Variants in ABL2 observed in about 807,000 individuals in gnomAD.
ABL2 encodes tyrosine-protein kinase ABL2.
ABL2 carries 49 observed loss-of-function variants against 107.7 expected under a neutral mutation model. The observed-to-expected ratio is 0.45, with a 90% confidence interval of 0.36 to 0.58. The LOEUF (loss-of-function observed/expected upper bound fraction) is 0.58. ABL2 is among the 20% of genes least tolerant of loss of function. The probability of loss-of-function intolerance (pLI) is 0.00; values close to 1 mark genes in which losing one functional copy is unlikely to be tolerated. For synonymous variants in ABL2, 549 were observed against 548.6 expected (o/e 1.00, Z -0.01); for missense variants, 1,245 against 1,457.0 (o/e 0.85, Z 2.37).
At chr1:179,193,906 T>C (rs1373640190) in intron 1 of ABL2, among the ~76,000 whole-genome samples, 3 of 152,078 alleles carry the variant, frequency 2.0e-5, no homozygotes, top group Admixed American at 6.6e-5. Flanking sequence ...AGCTAATTTT[T>C]TGTATTTTTT....
At chr1:179,124,464 CTTT>C (rs562899587) in intron 4 of ABL2, among the ~76,000 whole-genome samples, 2 of 83,346 alleles carry the variant, frequency 2.4e-5, no homozygotes, top group East Asian at 7.8e-4. Flanking sequence ...TTAGCTTCTG[CTTT>C]TTTTTTTTTT....
chr1:179,150,493 G>A (rs1022993129), intron 1 of ABL2, among the ~76,000 whole-genome samples: 1 of 152,210 alleles, frequency 6.6e-6, no homozygotes, highest in East Asian at 1.9e-4. Flanking sequence ...AACAGCAAGA[G>A]AACTAGAATT....
At position 179,120,193 on chromosome 1, in the gene ABL2, A is replaced by G; in HGVS notation, c.1042T>C (p.Leu348=). Residue 348 remains leucine (L), a synonymous_variant, in exon 6 of 12, where the codon TTA becomes CTA. Transcript: ENST00000502732. Reference sequence around the variant, plus strand: ...TGGTTCAGGCAAGGTTCCTCACCTAAAAGTTGTACCAGATTAGGATGCTTG... The same window carrying G: ...TGGTTCAGGCAAGGTTCCTCACCTAGAAGTTGTACCAGATTAGGATGCTTG... The part of the protein sequence containing the change: ...EIKHPNLVQL[L]GVCTLEPPFY... 1.3e-6 allele frequency: 2 copies of G among 1,598,134 alleles called. No homozygotes were observed. The highest frequency in any genetic ancestry group is 1.7e-6 in the Non-Finnish European group (2 of 1,171,126).
intron 5 of ABL2, among the ~76,000 whole-genome samples, chr1:179,121,164 C>A (rs954775923): frequency 6.6e-6 from 1 of 152,114 alleles, no homozygotes; most frequent in Non-Finnish European, 1.5e-5. Flanking sequence ...AAAAAGATTT[C>A]TGTTAATATT....
At chr1:179,224,646 T>C (rs1177604460) in intron 1 of ABL2, among the ~76,000 whole-genome samples, 2 of 152,098 alleles carry the variant, frequency 1.3e-5, no homozygotes, top group African/African-American at 4.8e-5. Flanking sequence ...TTAAAAGGTA[T>C]GTGAGATATT....
intron 9 of ABL2, among the ~76,000 whole-genome samples, chr1:179,114,075 C>CA (rs1424925217): frequency 6.6e-6 from 1 of 151,688 alleles, no homozygotes; most frequent in Non-Finnish European, 1.5e-5. Context: ...GCCAACATGC[C>CA]AAAACCCCAT....
chr1:179,107,858 G>C lies in ABL2; in HGVS notation c.3409C>G (p.Arg1137Gly). ...AGTTCCAGTTTGCTCACAGCCTCTC[G>C]GAAGGCAAATTTGTTGCGAGTTTGA... is the stretch of plus-strand genomic sequence containing the variant. ...IPQTRNKFAF[R>G]EAVSKLELSL... The change falls in exon 12 of 12, where the codon CGA (arginine) becomes GGA (glycine). Residue 1137 changes from arginine (R) to glycine (G), a missense_variant. Arg to Gly is a moderately radical substitution (Grantham distance 125). This residue lies in a region of ABL2 where 761 missense variants were observed against 766.4 expected (regional missense o/e 0.99). Transcript: ENST00000502732. 1 of 1,614,160 alleles carries C rather than the reference G, an allele frequency of 6.2e-7. No individual in the cohort carries two copies. The highest frequency in any genetic ancestry group is 8.5e-7 in the Non-Finnish European group (1 of 1,180,038).
In ABL2 at chr1:179,107,786, C is replaced by T. The variant is rs1467885528; in HGVS notation, c.3481G>A (p.Gly1161Arg). The T allele has an allele frequency of 6.8e-6, 11 of 1,614,078 alleles. No individual in the cohort carries two copies. Among genetic ancestry groups the T allele is most frequent in the East Asian group, 2.2e-5 (1 of 44,900 alleles). The stretch of plus-strand genomic sequence containing the variant: ...AAGTTATTAAGGACAGGGTTTGTCC[C>T]GGGCACACCAGCAGCTGCTGAAGAA... ...QVSSAAAGVP[G>R]TNPVLNNLLS... The change falls in exon 12 of 12, where the codon GGG (glycine) becomes AGG (arginine). Residue 1161 changes from glycine to arginine, a missense_variant. By Grantham distance (125) the Gly-to-Arg change is moderately radical. This residue lies in a region of ABL2 where 761 missense variants were observed against 766.4 expected (regional missense o/e 0.99). Transcript: ENST00000502732.
intron 1 of ABL2, among the ~76,000 whole-genome samples, chr1:179,181,946 A>ATTTTTTTTTTTTTTTTT (rs34828452): frequency 6.6e-5 from 6 of 91,208 alleles, no homozygotes; most frequent in Non-Finnish European, 1.0e-4. Flanking sequence ...AGGCCCGGCT[A>ATTTTTTTTTTTTTTTTT]TTTTTTTTTT....
chr1:179,223,374 C>T (rs927824493), intron 1 of ABL2, among the ~76,000 whole-genome samples: 3 of 148,114 alleles, frequency 2.0e-5, no homozygotes, highest in Non-Finnish European at 4.4e-5. Context: ...CATCATGCCA[C>T]AGCACTCCAG....
chr1:179,184,274 TA>T (rs976175678), intron 1 of ABL2: 1 of 537,794 alleles, frequency 1.9e-6, no homozygotes, highest in African/African-American at 2.0e-5. Flanking sequence ...ATCCTTCCTT[TA>T]AAAATAAAGT....
intron 1 of ABL2, among the ~76,000 whole-genome samples, chr1:179,201,307 T>G (rs1661654185): frequency 6.6e-6 from 1 of 152,262 alleles, no homozygotes; most frequent in Non-Finnish European, 1.5e-5. Flanking sequence ...CCTGTCACTT[T>G]AACTAAAATT....
chr1:179,188,451 G>A (rs1336757676), intron 1 of ABL2, among the ~76,000 whole-genome samples: 1 of 152,054 alleles, frequency 6.6e-6, no homozygotes, highest in Admixed American at 6.5e-5. Context: ...GGGGGCTGAG[G>A]CAGGAGAATT....
chr1:179,214,541 T>C (rs924774323), intron 1 of ABL2, among the ~76,000 whole-genome samples: 1 of 146,634 alleles, frequency 6.8e-6, no homozygotes, highest in Non-Finnish European at 1.5e-5. Flanking sequence ...TATATATATA[T>C]ATATATATAT....
rs978049628 is a variant in ABL2 at position 179,106,399 on chromosome 1, T to C, written c.*1319A>G. ...TCCCTGAAAATGACTACTCCTTCAA[T>C]TATGCATTCTTAAAATAGAAGTGAA... On this transcript the variant is annotated 3_prime_UTR_variant, in exon 12 of 12. Coordinates refer to ENST00000502732, the MANE Select transcript of ABL2 (RefSeq NM_007314.4). 4 of 231,772 alleles carry C rather than the reference T, an allele frequency of 1.7e-5. No individual in the cohort carries two copies. In the Admixed American group the frequency reaches 2.3e-4, roughly 13 times the overall value. 14.4% of individuals were successfully genotyped at this position (231,772 alleles called of 1,614,324 possible).
At chr1:179,219,103 C>T (rs549427441) in intron 1 of ABL2, among the ~76,000 whole-genome samples, 40 of 152,062 alleles carry the variant, frequency 2.6e-4, no homozygotes, top group Non-Finnish European at 5.4e-4. Context: ...AGTGCAGCGA[C>T]GTGATTATGG....
intron 1 of ABL2, among the ~76,000 whole-genome samples, chr1:179,192,120 C>G (rs146159814): frequency 6.6e-6 from 1 of 152,120 alleles, no homozygotes; most frequent in African/African-American, 2.4e-5. Flanking sequence ...TGGTTAGTCA[C>G]GTATATAGCA....
intron 1 of ABL2, among the ~76,000 whole-genome samples, chr1:179,192,620 A>T (rs1661084292): frequency 6.6e-6 from 1 of 152,238 alleles, no homozygotes; most frequent in South Asian, 2.1e-4. Context: ...GGTTGAGTTA[A>T]ATCTGACAAT....
chr1:179,228,883 C>T (rs932374731), intron 1 of ABL2, among the ~76,000 whole-genome samples: 1 of 152,160 alleles, frequency 6.6e-6, no homozygotes, highest in African/African-American at 2.4e-5. Context: ...GGTTTATGCT[C>T]CCACCTCTGG....
Sources: gnomAD v4.1 joint callset for allele counts (sites outside exome capture counted in the v4.1 genomes callset) on GRCh38, gnomAD v4.1.1 for gene constraint, gnomAD v4.1.1 regional missense constraint, MANE v1.5 for transcripts, NCBI Gene and HGNC (gene_info 2026-07-23, HGNC 2026-07-21) for gene names.